The following RAB6A variants were observed in gnomAD, a reference collection of about 807,000 sequenced individuals.
The protein encoded by RAB6A is ras-related protein Rab-6A.
Under a neutral mutation model 32.3 loss-of-function variants are expected in RAB6A, and 8 were observed. That is an observed-to-expected ratio of 0.25 (90% CI 0.15 to 0.45). The LOEUF (loss-of-function observed/expected upper bound fraction) is 0.45, where lower values mean the gene tolerates loss of function less well. RAB6A is among the 20% of genes least tolerant of loss of function. The pLI is 1.00. For missense variants in RAB6A, 104 were observed against 249.4 expected, an observed-to-expected ratio of 0.42 and a Z score of 3.93; for synonymous variants, 73 against 82.1, an observed-to-expected ratio of 0.89 and a Z score of 0.60.
chr11:73,721,629 A>G (rs1056696428), intron 2 of RAB6A, among the ~76,000 whole-genome samples: 5 of 152,190 alleles, frequency 3.3e-5, no homozygotes, highest in Admixed American at 2.0e-4. Flanking sequence ...GGAGATAAAT[A>G]AAAAGAATGG....
chr11:73,746,507 CTT>C (rs781242948), intron 1 of RAB6A, among the ~76,000 whole-genome samples: 5 of 151,776 alleles, frequency 3.3e-5, no homozygotes, highest in African/African-American at 4.8e-5. Flanking sequence ...GACTCTGTCT[CTT>C]AAAAAAAACC....
chr11:73,760,127 GA>G, intron 1 of RAB6A: 1 of 1,292,914 alleles, frequency 7.7e-7, no homozygotes. Flanking sequence ...GGCCAAGGTT[GA>G]AGAGGGCCCG....
At chr11:73,742,165 C>T (rs961034078) in intron 1 of RAB6A, among the ~76,000 whole-genome samples, 2 of 152,040 alleles carry the variant, frequency 1.3e-5, no homozygotes, top group Non-Finnish European at 2.9e-5. Context: ...ACCTGTAACC[C>T]CAGCTACTTG....
At chr11:73,720,585 C>T (rs956966431) in intron 3 of RAB6A, among the ~76,000 whole-genome samples, 3 of 152,122 alleles carry the variant, frequency 2.0e-5, no homozygotes, top group African/African-American at 7.2e-5. Context: ...TCAAGGGTGG[C>T]ATTTAGAAGG....
At chr11:73,741,326 C>T (rs762472905) in intron 1 of RAB6A, among the ~76,000 whole-genome samples, 16 of 151,956 alleles carry the variant, frequency 1.1e-4, no homozygotes, top group South Asian at 4.2e-4. Context: ...TTAGTAGAGA[C>T]GGGGTTTCAC....
intron 1 of RAB6A, among the ~76,000 whole-genome samples, chr11:73,735,838 C>A (rs1484777300): frequency 1.4e-5 from 2 of 145,372 alleles, no homozygotes; most frequent in East Asian, 4.2e-4. Flanking sequence ...CTGCTAATAT[C>A]AAACCTATCC....
intron 1 of RAB6A, among the ~76,000 whole-genome samples, chr11:73,754,071 A>G (rs1166354393): frequency 6.6e-6 from 1 of 152,208 alleles, no homozygotes; most frequent in Non-Finnish European, 1.5e-5. Flanking sequence ...TATTATCTTT[A>G]TGTTATAGAT....
intron 2 of RAB6A, chr11:73,722,412 A>AT (rs1284903695): frequency 4.8e-5 from 6 of 126,210 alleles, no homozygotes; most frequent in African/African-American, 1.5e-4. Flanking sequence ...TAGGGGTGTG[A>AT]TTTTGTCTCA....
At chr11:73,731,713 T>C (rs1565369985) in intron 1 of RAB6A, among the ~76,000 whole-genome samples, 17 of 18,356 alleles carry the variant, frequency 9.3e-4, no homozygotes, top group South Asian at 2.0e-3. Flanking sequence ...TATATATATA[T>C]ATATATATAT....
chr11:73,749,636 A>C (rs10898942), intron 1 of RAB6A, among the ~76,000 whole-genome samples: 30,555 of 152,006 alleles, frequency 0.2, 3,138 homozygotes, highest in East Asian at 0.25. Context: ...TCGAGGCCAG[A>C]GCATTGCTCA....
At chr11:73,701,814 GT>G (rs371174818) in intron 6 of RAB6A, among the ~76,000 whole-genome samples, 1 of 152,000 alleles carries the variant, frequency 6.6e-6, no homozygotes, top group Non-Finnish European at 1.5e-5. Flanking sequence ...TAATTTCTGT[GT>G]TTTTTTGTAG....
chr11:73,681,508 C>T (rs949728416), intron 6 of RAB6A, among the ~76,000 whole-genome samples: 1 of 152,142 alleles, frequency 6.6e-6, no homozygotes, highest in Admixed American at 6.5e-5. Flanking sequence ...GGAACTACAA[C>T]TAATATGTTT....
chr11:73,742,763 T>C (rs1237804281), intron 1 of RAB6A, among the ~76,000 whole-genome samples: 2 of 152,108 alleles, frequency 1.3e-5, no homozygotes, highest in East Asian at 1.9e-4. Flanking sequence ...TGAATCGAGA[T>C]TGCCCCATTG....
intron 6 of RAB6A, among the ~76,000 whole-genome samples, chr11:73,682,579 C>T (rs1291367751): frequency 1.3e-5 from 2 of 152,158 alleles, no homozygotes; most frequent in East Asian, 3.9e-4. Flanking sequence ...AGGAGAACTG[C>T]TTGAACCCGG....
intron 1 of RAB6A, among the ~76,000 whole-genome samples, chr11:73,754,493 T>C (rs1002253001): frequency 2.6e-5 from 4 of 152,278 alleles, no homozygotes; most frequent in African/African-American, 9.6e-5. Flanking sequence ...CAGGATTGAA[T>C]GCATAAGCAG....
At chr11:73,732,447 G>T (rs1248406474) in intron 1 of RAB6A, among the ~76,000 whole-genome samples, 2 of 152,122 alleles carry the variant, frequency 1.3e-5, no homozygotes, top group African/African-American at 4.8e-5. Flanking sequence ...TTAGCCAGGC[G>T]TGGTGGCGGG....
At chr11:73,740,789 G>A (rs1005107000) in intron 1 of RAB6A, among the ~76,000 whole-genome samples, 18 of 151,874 alleles carry the variant, frequency 1.2e-4, no homozygotes, top group African/African-American at 3.6e-4. Flanking sequence ...CGGGGGGGCT[G>A]AGGCAGGACA....
At chr11:73,752,440 G>A (rs1342672257) in intron 1 of RAB6A, among the ~76,000 whole-genome samples, 1 of 151,598 alleles carries the variant, frequency 6.6e-6, no homozygotes, top group Non-Finnish European at 1.5e-5. Flanking sequence ...GGGGTGACAG[G>A]GCAAGATTCT....
chr11:73,731,684 T>TTTTATATATA (rs1555064991), intron 1 of RAB6A, among the ~76,000 whole-genome samples: 7 of 14,526 alleles, frequency 4.8e-4, no homozygotes, highest in African/African-American at 1.3e-3. Context: ...TAGATAGATA[T>TTTTATATATA]TATATATATA....
Sources: allele counts gnomAD v4.1 joint callset (sites outside exome capture counted in the v4.1 genomes callset), GRCh38; gene constraint gnomAD v4.1.1; transcripts MANE v1.5; gene names NCBI Gene and HGNC (gene_info 2026-07-23, HGNC 2026-07-21).